The following HSPA12A variants were observed in gnomAD, a reference collection of about 807,000 sequenced individuals.
HSPA12A encodes heat shock protein family A (Hsp70) member 12A.
HSPA12A carries 28 observed loss-of-function variants against 69.2 expected under a neutral mutation model. The ratio of observed to expected loss-of-function variants is 0.40; its 90% confidence interval spans 0.30 to 0.55. HSPA12A has a LOEUF of 0.55. HSPA12A is among the 20% of genes least tolerant of loss of function. HSPA12A has a pLI of 0.38. For missense variants in HSPA12A, 686 were observed against 900.7 expected (o/e 0.76, Z 3.05); for synonymous variants, 345 against 370.5 (o/e 0.93, Z 0.79).
At chr10:116,721,689 A>G (rs1564795255) in intron 1 of HSPA12A, among the ~76,000 whole-genome samples, 2 of 152,310 alleles carry the variant, frequency 1.3e-5, no homozygotes, top group African/African-American at 2.4e-5. Flanking sequence ...CTGAAATGCA[A>G]ATATGAGTCT....
At chr10:116,678,317 G>GCC (rs1849298243) in intron 10 of HSPA12A, among the ~76,000 whole-genome samples, 1 of 106,558 alleles carries the variant, frequency 9.4e-6, no homozygotes, top group African/African-American at 3.7e-5. Flanking sequence ...ACTTGAATCT[G>GCC]ATTAAACCTC....
chr10:116,743,688 G>A (rs1851582670), upstream of HSPA12A, among the ~76,000 whole-genome samples: 2 of 150,482 alleles, frequency 1.3e-5, no homozygotes, highest in South Asian at 4.1e-4. Flanking sequence ...ATGACGGAGT[G>A]GGCAGAGAGC....
chr10:116,748,336 G>T (rs1851697449), intron 2 of HSPA12A, among the ~76,000 whole-genome samples: 1 of 152,144 alleles, frequency 6.6e-6, no homozygotes, highest in Non-Finnish European at 1.5e-5. Context: ...CTAGAATAAG[G>T]GTGTTATCTG....
chr10:116,727,269 T>G (rs1386534042), intron 1 of HSPA12A, among the ~76,000 whole-genome samples: 1 of 152,196 alleles, frequency 6.6e-6, no homozygotes, highest in Non-Finnish European at 1.5e-5. Context: ...AAGGCTCATC[T>G]GGCACTAGAT....
intron 2 of HSPA12A, among the ~76,000 whole-genome samples, chr10:116,827,781 G>C (rs1220849495): frequency 1.3e-5 from 2 of 152,220 alleles, no homozygotes; most frequent in African/African-American, 4.8e-5. Flanking sequence ...ATGTCCAAGG[G>C]ACAGGACTTA....
chr10:116,726,054 C>CACACACA (rs781871627), intron 1 of HSPA12A, among the ~76,000 whole-genome samples: 2 of 144,820 alleles, frequency 1.4e-5, no homozygotes, highest in Admixed American at 1.3e-4. Context: ...CACACACACA[C>CACACACA]AACAGGCCAA....
chr10:116,743,551 C>G (rs797043209), upstream of HSPA12A, among the ~76,000 whole-genome samples: 4 of 152,316 alleles, frequency 2.6e-5, no homozygotes, highest in African/African-American at 7.2e-5. Flanking sequence ...AATATCACAC[C>G]CAGCAGGTGA....
chr10:116,819,226 G>A (rs1430771647), intron 2 of HSPA12A, among the ~76,000 whole-genome samples: 1 of 152,152 alleles, frequency 6.6e-6, no homozygotes, highest in Non-Finnish European at 1.5e-5. Flanking sequence ...CCATCATCCA[G>A]TTGAGAAGCC....
At chr10:116,821,905 G>A (rs898672888) in intron 2 of HSPA12A, among the ~76,000 whole-genome samples, 3 of 152,226 alleles carry the variant, frequency 2.0e-5, no homozygotes, top group Admixed American at 2.0e-4. Context: ...GAAAAAACAG[G>A]AGTAGGTGCT....
chr10:116,678,586 GAAA>G (rs11435803), intron 10 of HSPA12A, among the ~76,000 whole-genome samples: 1 of 128,674 alleles, frequency 7.8e-6, no homozygotes, highest in African/African-American at 2.9e-5. Context: ...GGTACAAAGT[GAAA>G]AAAAAAAAAA....
chr10:116,717,669 T>C (rs555632294), intron 1 of HSPA12A, among the ~76,000 whole-genome samples: 43 of 152,298 alleles, frequency 2.8e-4, no homozygotes, highest in African/African-American at 1.0e-3. Context: ...TTTATTATTA[T>C]TGTTACCATC....
chr10:116,768,500 T>C (rs116301496), intron 2 of HSPA12A, among the ~76,000 whole-genome samples: 109 of 152,312 alleles, frequency 7.2e-4, no homozygotes, highest in African/African-American at 2.5e-3. Context: ...TTTTATGTTA[T>C]GTAAATGTCT....
chr10:116,833,689 T>G (rs1845660948), intron 2 of HSPA12A, among the ~76,000 whole-genome samples: 1 of 152,220 alleles, frequency 6.6e-6, no homozygotes, highest in Non-Finnish European at 1.5e-5. Flanking sequence ...GTTTTCACTA[T>G]GGTCTTTTAT....
At chr10:116,726,398 C>A (rs1423483938) in intron 1 of HSPA12A, among the ~76,000 whole-genome samples, 7 of 152,122 alleles carry the variant, frequency 4.6e-5, no homozygotes, top group African/African-American at 1.7e-4. Context: ...TCTCCCCACG[C>A]ATGCATGCAC....
intron 4 of HSPA12A, among the ~76,000 whole-genome samples, chr10:116,699,748 A>T (rs560402036): frequency 1.3e-5 from 2 of 152,264 alleles, no homozygotes; most frequent in Middle Eastern, 3.4e-3. Context: ...ATGGCTCTGA[A>T]TTGAAAAAAA....
chr10:116,765,406 T>C (rs1170385887), intron 2 of HSPA12A, among the ~76,000 whole-genome samples: 2 of 151,862 alleles, frequency 1.3e-5, no homozygotes, highest in South Asian at 2.1e-4. Flanking sequence ...GAGGCAATAC[T>C]AAAAACACAG....
chr10:116,738,386 A>AG (rs1564802987), intron 1 of HSPA12A, among the ~76,000 whole-genome samples: 1 of 152,226 alleles, frequency 6.6e-6, no homozygotes, highest in Non-Finnish European at 1.5e-5. Flanking sequence ...GTAAAAAAAA[A>AG]TGGAAATGAA....
chr10:116,681,029 G>T, intron 9 of HSPA12A, 123 bp downstream of exon 9: 1 of 669,504 alleles, frequency 1.5e-6, no homozygotes. Flanking sequence ...ATCCTCCACC[G>T]CCTACGATCC....
chr10:116,829,056 T>G (rs1447047390), intron 2 of HSPA12A: 3 of 152,126 alleles, frequency 2.0e-5, no homozygotes, highest in Non-Finnish European at 2.9e-5. Flanking sequence ...GCCAGATATA[T>G]TTTGGCTGTG....
Sources: gnomAD v4.1 joint callset for allele counts (sites outside exome capture counted in the v4.1 genomes callset) on GRCh38, gnomAD v4.1.1 for gene constraint, MANE v1.5 for transcripts, NCBI Gene and HGNC (gene_info 2026-07-23, HGNC 2026-07-21) for gene names.